AGBL4: variants seen among roughly 807,000 people sequenced by gnomAD.
AGBL4 encodes the protein AGBL carboxypeptidase 4, also known as cytosolic carboxypeptidase 6.
AGBL4 carries 58 observed loss-of-function variants against 66.4 expected under a neutral mutation model. The ratio of observed to expected loss-of-function variants is 0.87; its 90% confidence interval spans 0.71 to 1.09. The LOEUF (loss-of-function observed/expected upper bound fraction) is 1.09. Ranked by LOEUF, AGBL4 falls within the 50% of genes least tolerant of loss-of-function variation. AGBL4 has a pLI of 0.00. For synonymous variants in AGBL4, 234 were observed against 222.9 expected (o/e 1.05, Z -0.44); for missense variants, 579 against 631.0 (o/e 0.92, Z 0.88).
chr1:49,847,840 T>A (rs1433953219), intron 2 of AGBL4, among the ~76,000 whole-genome samples: 1 of 152,070 alleles, frequency 6.6e-6, no homozygotes, highest in East Asian at 1.9e-4. Context: ...TAGCTGGGAC[T>A]ATAGGCGCCC....
At chr1:49,918,550 C>T (rs1350138654) in intron 1 of AGBL4, among the ~76,000 whole-genome samples, 2 of 152,000 alleles carry the variant, frequency 1.3e-5, no homozygotes, top group Non-Finnish European at 2.9e-5. Context: ...AAGTTGAATC[C>T]CTGAATAGAC....
intron 5 of AGBL4, among the ~76,000 whole-genome samples, chr1:49,031,228 C>T (rs966111221): frequency 1.3e-5 from 2 of 151,958 alleles, no homozygotes; most frequent in African/African-American, 4.8e-5. Flanking sequence ...GCTGGGACTA[C>T]AGGTACACAA....
intron 1 of AGBL4, among the ~76,000 whole-genome samples, chr1:50,021,994 T>C (rs1662478183): frequency 6.6e-6 from 1 of 152,186 alleles, no homozygotes; most frequent in South Asian, 2.1e-4. Context: ...CAGCATAACA[T>C]GTTTCCACCT....
intron 5 of AGBL4, among the ~76,000 whole-genome samples, chr1:49,010,911 T>G (rs1662348914): frequency 6.6e-6 from 1 of 152,030 alleles, no homozygotes. Flanking sequence ...ACGTTAGACC[T>G]AAAACCATAA....
intron 3 of AGBL4, among the ~76,000 whole-genome samples, chr1:49,498,153 T>C (rs1311305505): frequency 1.3e-5 from 2 of 151,958 alleles, no homozygotes; most frequent in Non-Finnish European, 2.9e-5. Flanking sequence ...AGATTGTTTC[T>C]TGATTTATTT....
chr1:48,913,916 AG>A (rs773788482), intron 5 of AGBL4, among the ~76,000 whole-genome samples: 5 of 152,126 alleles, frequency 3.3e-5, no homozygotes, highest in Admixed American at 6.6e-5. Context: ...CCGTGGAAGA[AG>A]GGTTGGTTTC....
chr1:49,724,021 T>A (rs986383379), intron 2 of AGBL4, among the ~76,000 whole-genome samples: 1 of 152,032 alleles, frequency 6.6e-6, no homozygotes, highest in Non-Finnish European at 1.5e-5. Context: ...AGAGTAAGGG[T>A]AGAATAGGAA....
At chr1:49,153,674 A>T (rs970787065) in intron 4 of AGBL4, among the ~76,000 whole-genome samples, 3 of 151,442 alleles carry the variant, frequency 2.0e-5, no homozygotes, top group Non-Finnish European at 2.9e-5. Flanking sequence ...TTCTTTTCTC[A>T]TCTTCTCTAA....
intron 2 of AGBL4, among the ~76,000 whole-genome samples, chr1:49,812,746 C>A (rs552334903): frequency 1.3e-5 from 2 of 152,212 alleles, no homozygotes; most frequent in South Asian, 4.2e-4. Flanking sequence ...TAACTTTGGT[C>A]TCATCAATTT....
intron 1 of AGBL4, 104 bp from the exon 2 acceptor site, chr1:49,851,622 C>A: frequency 1.6e-6 from 2 of 1,223,352 alleles, no homozygotes; most frequent in Admixed American, 3.0e-5. Flanking sequence ...AGTGTTAACC[C>A]AAGCAAAAAG....
chr1:48,954,441 T>C (rs1172890149), intron 5 of AGBL4, among the ~76,000 whole-genome samples: 1 of 152,232 alleles, frequency 6.6e-6, no homozygotes, highest in Non-Finnish European at 1.5e-5. Context: ...CTTTATTATG[T>C]CAGGCACTGT....
chr1:48,869,805 C>G (rs1055474396), intron 5 of AGBL4, among the ~76,000 whole-genome samples: 3 of 152,168 alleles, frequency 2.0e-5, no homozygotes, highest in Non-Finnish European at 4.4e-5. Flanking sequence ...AAAGGGACCA[C>G]ATTTTCAACT....
intron 2 of AGBL4, among the ~76,000 whole-genome samples, chr1:49,777,410 A>G (rs1644225442): frequency 6.6e-6 from 1 of 152,232 alleles, no homozygotes; most frequent in Non-Finnish European, 1.5e-5. Flanking sequence ...TAAATTTAGC[A>G]TATCAAAAGT....
chr1:49,475,614 T>C (rs1159119903), intron 3 of AGBL4, among the ~76,000 whole-genome samples: 1 of 152,090 alleles, frequency 6.6e-6, no homozygotes, highest in African/African-American at 2.4e-5. Context: ...TTACTCATTA[T>C]TGGTCTGTTC....
At chr1:49,357,653 A>C (rs1644047364) in intron 3 of AGBL4, among the ~76,000 whole-genome samples, 1 of 152,148 alleles carries the variant, frequency 6.6e-6, no homozygotes, top group African/African-American at 2.4e-5. Flanking sequence ...AAAACTGAGG[A>C]TTACTAAGGG....
chr1:48,924,492 C>A (rs1395838051), intron 5 of AGBL4, among the ~76,000 whole-genome samples: 1 of 152,060 alleles, frequency 6.6e-6, no homozygotes, highest in Non-Finnish European at 1.5e-5. Flanking sequence ...ATATCACAGT[C>A]CTTCACACTT....
At chr1:49,345,093 A>T (rs931506881) in intron 3 of AGBL4, among the ~76,000 whole-genome samples, 9 of 152,192 alleles carry the variant, frequency 5.9e-5, no homozygotes, top group Non-Finnish European at 1.2e-4. Context: ...TCCAAAAATG[A>T]CATATTTGGC....
chr1:49,500,619 C>A (rs557441527), intron 3 of AGBL4, among the ~76,000 whole-genome samples: 2 of 152,002 alleles, frequency 1.3e-5, no homozygotes, highest in East Asian at 3.9e-4. Context: ...ATCCTAGAAC[C>A]CTTTGTTGAA....
At chr1:49,722,750 A>G (rs1648707567) in intron 2 of AGBL4, among the ~76,000 whole-genome samples, 1 of 152,140 alleles carries the variant, frequency 6.6e-6, no homozygotes, top group African/African-American at 2.4e-5. Flanking sequence ...GGCCTATGAC[A>G]GGTAACTTTT....
Sources: allele counts gnomAD v4.1 joint callset (sites outside exome capture counted in the v4.1 genomes callset), GRCh38; gene constraint gnomAD v4.1.1; transcripts MANE v1.5; gene names NCBI Gene and HGNC (gene_info 2026-07-23, HGNC 2026-07-21).